The following NEDD9 variants were observed in gnomAD, a reference collection of about 807,000 sequenced individuals.
NEDD9 encodes the protein enhancer of filamentation 1.
A neutral mutation model predicts 76.6 loss-of-function variants in NEDD9; 26 were observed. The observed-to-expected ratio is 0.34, with a 90% CI of 0.25 to 0.47. The LOEUF is 0.47. Ranked by LOEUF, NEDD9 falls within the 20% of genes least tolerant of loss-of-function variation. The pLI, the probability that NEDD9 is intolerant of heterozygous loss-of-function variation, is 1.00. For synonymous variants in NEDD9, 392 were observed against 414.2 expected, an observed-to-expected ratio of 0.95 and a Z score of 0.65; for missense variants, 937 against 1,058.5, an observed-to-expected ratio of 0.89 and a Z score of 1.59.
At position 11,366,854 on chromosome 6, in the gene NEDD9, G is replaced by A. The variant is rs148421156; in HGVS notation, c.-214+15285C>T. Among the ~76,000 whole-genome samples the A allele has an allele frequency of 3.0e-4, 46 of 152,238 alleles. No individual in the cohort carries two copies. In the East Asian group the frequency reaches 8.7e-3, roughly 29 times the overall value. ...CCTCAGTTTCACTATCTGTAGAGTG[G>A]GAGATACAATAAACATGCCCCAGGA... On this transcript the variant is annotated intron_variant, in intron 1 of 3. Transcript: ENST00000397378.
chr6:11,200,841 G>C, intron 2 of NEDD9: 1 of 1,532,988 alleles, frequency 6.5e-7, no homozygotes. Flanking sequence ...CTCAAGACAC[G>C]CCAATGGGAA....
At chr6:11,191,748 T>C (rs1758150464) in intron 4 of NEDD9, among the ~76,000 whole-genome samples, 1 of 152,192 alleles carries the variant, frequency 6.6e-6, no homozygotes. Context: ...CGGCTCAGCC[T>C]GTAATCTCAG....
At chr6:11,205,919 C>A (rs1005826834) in intron 2 of NEDD9, among the ~76,000 whole-genome samples, 3 of 152,192 alleles carry the variant, frequency 2.0e-5, no homozygotes, top group African/African-American at 7.2e-5. Context: ...TGCGCCACTG[C>A]GCCCGACCTA....
At chr6:11,248,971 TC>T in intron 3 of NEDD9, 1 of 380,528 alleles carries the variant, frequency 2.6e-6, no homozygotes. Flanking sequence ...CTCTTCTCTC[TC>T]CCCAGAGTCC....
chr6:11,196,523 T>C (rs1028524820), intron 2 of NEDD9, among the ~76,000 whole-genome samples: 1 of 152,196 alleles, frequency 6.6e-6, no homozygotes, highest in East Asian at 1.9e-4. Flanking sequence ...TTTCACTTCC[T>C]GACAAATGTC....
rs9468825 is a variant in NEDD9, at chr6:11,301,445, T to C, written c.12+4547A>G. On this transcript the variant is annotated intron_variant, in intron 3 of 3. Coordinates refer to the NEDD9 transcript ENST00000397378. ...AGACTTTAAAACCCCACTGTCAGTATTAGACAGATCAATGAGACAGAAGGT... is the reference window on the plus strand; with the variant it reads ...AGACTTTAAAACCCCACTGTCAGTACTAGACAGATCAATGAGACAGAAGGT... Among the ~76,000 whole-genome samples, 1,446 of 152,266 alleles carry C rather than the reference T, an allele frequency of 9.5e-3. 23 individuals are homozygous for C. Among genetic ancestry groups the C allele is most frequent in the African/African-American group, 0.034 (1,392 of 41,546 alleles).
chr6:11,357,207 T>C (rs1762593694), intron 1 of NEDD9, among the ~76,000 whole-genome samples: 1 of 152,198 alleles, frequency 6.6e-6, no homozygotes, highest in South Asian at 2.1e-4. Context: ...GTCTTCTGGC[T>C]GCTCTAACCC....
chr6:11,197,014 G>A (rs937844732), intron 2 of NEDD9, among the ~76,000 whole-genome samples: 1 of 152,006 alleles, frequency 6.6e-6, no homozygotes, highest in Non-Finnish European at 1.5e-5. Context: ...TTCTTGCTGC[G>A]TGACATAAGT....
chr6:11,374,058 C>A (rs1246867955), intron 1 of NEDD9, among the ~76,000 whole-genome samples: 5 of 151,440 alleles, frequency 3.3e-5, no homozygotes, highest in Admixed American at 2.6e-4. Context: ...CTCTCTCTCT[C>A]TCTCTCTCTA....
At chr6:11,360,010 TG>T (rs1335873879) in intron 1 of NEDD9, among the ~76,000 whole-genome samples, 2 of 152,342 alleles carry the variant, frequency 1.3e-5, no homozygotes, top group East Asian at 3.9e-4. Flanking sequence ...GAGCAGAAGT[TG>T]GTGTGGGATT....
At position 11,232,313 on chromosome 6, in the gene NEDD9, C is replaced by T. The variant is rs114543180; in HGVS notation, c.12+191G>A. 1.1e-3 allele frequency among the ~76,000 whole-genome samples: 169 copies of T among 152,192 alleles called. 1 individual carries two copies. Among genetic ancestry groups the T allele is most frequent in the African/African-American group, 3.5e-3 (147 of 41,516 alleles). ...GATGGACTCGGGTGTACTGTGAACC[C>T]CTGGAGTGGGTCTCAAAGACCGGGT... is the stretch of plus-strand genomic sequence containing the variant. On this transcript the variant is annotated intron_variant, in intron 1 of 6. Transcript: ENST00000379446.
chr6:11,370,254 T>C lies in NEDD9; in HGVS notation c.-214+11885A>G, dbSNP rs1361597339. 1.3e-5 allele frequency among the ~76,000 whole-genome samples: 2 copies of C among 152,218 alleles called. No individual in the cohort carries two copies. Among genetic ancestry groups the C allele is most frequent in the Non-Finnish European group, 2.9e-5 (2 of 68,036 alleles). On this transcript the variant is annotated intron_variant, in intron 1 of 3. Transcript: ENST00000397378. The surrounding 1 kb of genome is among the most constrained non-coding windows in gnomAD (Gnocchi z 4.2). ...CACCGAAGCTCTGCTGACGTTTTCCTATGCTGAAGCAAGAAGTGAGGAACA... is the reference window on the plus strand; with the variant it reads ...CACCGAAGCTCTGCTGACGTTTTCCCATGCTGAAGCAAGAAGTGAGGAACA...
chr6:11,246,779 TAGACATCTCTTACAAAG>T (rs1394803524), intron 3 of NEDD9, among the ~76,000 whole-genome samples: 1 of 152,186 alleles, frequency 6.6e-6, no homozygotes, highest in Non-Finnish European at 1.5e-5. Context: ...AAACAGAGCT[TAGACATCTCTTACAAAG>T]GAAAGGCTGC....
At chr6:11,263,029 CA>C (rs1233753577) in intron 3 of NEDD9, among the ~76,000 whole-genome samples, 4 of 152,146 alleles carry the variant, frequency 2.6e-5, no homozygotes, top group African/African-American at 9.7e-5. Flanking sequence ...AGGAAATGAA[CA>C]ATATGACCTT....
intron 1 of NEDD9, among the ~76,000 whole-genome samples, chr6:11,353,173 T>C (rs898904070): frequency 1.3e-5 from 2 of 152,278 alleles, no homozygotes; most frequent in Admixed American, 1.3e-4. Flanking sequence ...GTCCCTGTTT[T>C]TCTCTTTCCT....
intron 1 of NEDD9, among the ~76,000 whole-genome samples, chr6:11,227,590 A>G (rs1452698289): frequency 6.6e-6 from 1 of 152,180 alleles, no homozygotes; most frequent in Non-Finnish European, 1.5e-5. Flanking sequence ...TGGCCCCCTC[A>G]AAACTTCACA....
chr6:11,355,790 C>T (rs182747168), intron 1 of NEDD9, among the ~76,000 whole-genome samples: 227 of 152,070 alleles, frequency 1.5e-3, no homozygotes, highest in Non-Finnish European at 2.5e-3. Flanking sequence ...GCGCGATCTC[C>T]GCTCACTGCA....
intron 3 of NEDD9, among the ~76,000 whole-genome samples, chr6:11,269,354 C>T (rs1760258634): frequency 6.6e-6 from 1 of 152,168 alleles, no homozygotes; most frequent in Non-Finnish European, 1.5e-5. Flanking sequence ...GCGTGGAAAA[C>T]CTTTATTTTA....
intron 2 of NEDD9, among the ~76,000 whole-genome samples, chr6:11,203,690 C>T (rs1321599185): frequency 6.6e-6 from 1 of 152,120 alleles, no homozygotes; most frequent in Non-Finnish European, 1.5e-5. Flanking sequence ...CTCTTGGTAA[C>T]AAAACAGGGA....
Sources: allele counts gnomAD v4.1 joint callset (sites outside exome capture counted in the v4.1 genomes callset), GRCh38; gene constraint gnomAD v4.1.1; non-coding constraint Gnocchi (gnomAD v3.1); transcripts MANE v1.5; gene names NCBI Gene and HGNC (gene_info 2026-07-23, HGNC 2026-07-21).